LINGO2: variants seen among roughly 807,000 people sequenced by gnomAD.
The protein encoded by LINGO2 is leucine rich repeat and Ig domain containing 2.
In LINGO2, 14 loss-of-function variants were observed where a neutral mutation model predicts 30.6. The observed-to-expected ratio is 0.46, with a 90% confidence interval of 0.30 to 0.72. The LOEUF is 0.72. LINGO2 is among the 30% of genes least tolerant of loss of function. The probability of loss-of-function intolerance (pLI) is 0.07; values close to 1 mark genes in which losing one functional copy is unlikely to be tolerated. For missense variants in LINGO2, 729 were observed against 751.7 expected, an observed-to-expected ratio of 0.97 and a Z score of 0.35; for synonymous variants, 317 against 288.5, an observed-to-expected ratio of 1.10 and a Z score of -1.00.
the LINGO2 span, among the ~76,000 whole-genome samples, chr9:29,147,820 C>T: frequency 2.6e-5 from 4 of 151,996 alleles, no homozygotes; most frequent in Admixed American, 2.0e-4. Flanking sequence ...GAAACCACTA[C>T]AAATTAAAAC....
chr9:28,305,717 G>A (rs1356833809), intron 3 of LINGO2, among the ~76,000 whole-genome samples: 2 of 151,866 alleles, frequency 1.3e-5, no homozygotes, highest in Non-Finnish European at 2.9e-5. Context: ...ATTAGAATCC[G>A]TATGTAATTT....
chr9:28,848,061 A>ATACACACTATATATAGTG, the LINGO2 span, among the ~76,000 whole-genome samples: 1 of 49,734 alleles, frequency 2.0e-5, no homozygotes, highest in Non-Finnish European at 3.2e-5. Context: ...ATATATATAT[A>ATACACACTATATATAGTG]TGTATATAAT....
chr9:28,383,000 C>G (rs1821414777), intron 2 of LINGO2, among the ~76,000 whole-genome samples: 1 of 151,924 alleles, frequency 6.6e-6, no homozygotes, highest in East Asian at 1.9e-4. Context: ...ACAAAAAGAA[C>G]AAGGATCCTA....
At chr9:28,308,572 T>A (rs998051060) in intron 3 of LINGO2, among the ~76,000 whole-genome samples, 5 of 145,318 alleles carry the variant, frequency 3.4e-5, no homozygotes, top group African/African-American at 1.3e-4. Context: ...AAAGCCAAAA[T>A]TGACAAACGG....
At chr9:29,100,604 A>AT in the LINGO2 span, among the ~76,000 whole-genome samples, 2 of 151,748 alleles carry the variant, frequency 1.3e-5, no homozygotes, top group East Asian at 1.9e-4. Flanking sequence ...CAAAAAAAAA[A>AT]AGCTACAAAA....
chr9:28,984,365 C>T, the LINGO2 span, among the ~76,000 whole-genome samples: 1 of 152,102 alleles, frequency 6.6e-6, no homozygotes, highest in South Asian at 2.1e-4. Flanking sequence ...CTGCAACACA[C>T]TAATGCTAAA....
At chr9:28,835,858 T>A in the LINGO2 span, among the ~76,000 whole-genome samples, 3 of 152,244 alleles carry the variant, frequency 2.0e-5, no homozygotes, top group South Asian at 4.1e-4. Context: ...CAGTCCCCAT[T>A]TTCTTTCTAT....
At chr9:28,422,166 A>G (rs894013453) in intron 2 of LINGO2, among the ~76,000 whole-genome samples, 7 of 152,220 alleles carry the variant, frequency 4.6e-5, no homozygotes, top group Admixed American at 1.3e-4. Flanking sequence ...AAAATGACAA[A>G]TGGAATTCTA....
At chr9:28,557,440 C>A (rs959307445) in intron 1 of LINGO2, among the ~76,000 whole-genome samples, 1 of 152,018 alleles carries the variant, frequency 6.6e-6, no homozygotes, top group African/African-American at 2.4e-5. Flanking sequence ...ATCAAAACCA[C>A]AATGAGATAC....
At chr9:28,868,969 T>G in the LINGO2 span, among the ~76,000 whole-genome samples, 3 of 152,154 alleles carry the variant, frequency 2.0e-5, no homozygotes, top group Admixed American at 1.3e-4. Context: ...CTCGCTGATT[T>G]GATAATATAA....
intron 5 of LINGO2, among the ~76,000 whole-genome samples, chr9:27,981,560 G>GAAAAAAAAAA (rs1318410176): frequency 1.1e-5 from 1 of 87,292 alleles, no homozygotes; most frequent in African/African-American, 4.3e-5. Context: ...AGAAAAAAAA[G>GAAAAAAAAAA]AAAAAAAAAG....
chr9:27,964,901 G>A (rs1319218986), intron 5 of LINGO2, among the ~76,000 whole-genome samples: 1 of 151,996 alleles, frequency 6.6e-6, no homozygotes, highest in African/African-American at 2.4e-5. Flanking sequence ...AGGTGGCCTT[G>A]TTATAAAGTA....
intron 2 of LINGO2, among the ~76,000 whole-genome samples, chr9:28,380,590 G>C (rs886446651): frequency 3.9e-5 from 6 of 152,004 alleles, no homozygotes; most frequent in Admixed American, 6.6e-5. Flanking sequence ...AGGAAGTACA[G>C]TATAGATGTC....
At chr9:28,687,661 C>G in the LINGO2 span, among the ~76,000 whole-genome samples, 1,436 of 152,190 alleles carry the variant, frequency 9.4e-3, 33 homozygotes, top group East Asian at 0.083. Context: ...ATATTAATCT[C>G]TGCAAGCTCT....
the LINGO2 span, among the ~76,000 whole-genome samples, chr9:28,707,085 A>G: frequency 6.6e-6 from 1 of 152,096 alleles, no homozygotes; most frequent in East Asian, 1.9e-4. Flanking sequence ...CAGTGTGATG[A>G]TTTGCTATGA....
At chr9:29,125,999 T>C in the LINGO2 span, among the ~76,000 whole-genome samples, 1 of 152,102 alleles carries the variant, frequency 6.6e-6, no homozygotes, top group African/African-American at 2.4e-5. Flanking sequence ...ATTTAAATGG[T>C]AAAAACCAAA....
At chr9:28,780,830 A>ATGTGTGTGTGTGTGTG in the LINGO2 span, among the ~76,000 whole-genome samples, 1 of 127,424 alleles carries the variant, frequency 7.8e-6, no homozygotes, top group African/African-American at 2.7e-5. Context: ...CTTGGTAGTA[A>ATGTGTGTGTGTGTGTG]TGTGTGTGTG....
intron 1 of LINGO2, among the ~76,000 whole-genome samples, chr9:28,668,699 A>G (rs1450513491): frequency 2.0e-5 from 3 of 152,174 alleles, no homozygotes; most frequent in African/African-American, 7.2e-5. Context: ...TAAGCTGACT[A>G]AAGAAACTGT....
At chr9:28,774,878 A>T in the LINGO2 span, among the ~76,000 whole-genome samples, 6 of 152,148 alleles carry the variant, frequency 3.9e-5, no homozygotes, top group African/African-American at 1.4e-4. Context: ...AGCTGTATAT[A>T]TTTAACCAAA....
Sources: allele counts gnomAD v4.1 joint callset (sites outside exome capture counted in the v4.1 genomes callset), GRCh38; gene constraint gnomAD v4.1.1; transcripts MANE v1.5; gene names NCBI Gene and HGNC (gene_info 2026-07-23, HGNC 2026-07-21).